Variants in CPA6 observed in about 807,000 individuals in gnomAD.
The protein encoded by CPA6 is carboxypeptidase A6.
In CPA6, 58 loss-of-function variants were observed where a neutral mutation model predicts 63.3. That is an observed-to-expected ratio of 0.92 (90% confidence interval 0.74 to 1.14). CPA6 has a LOEUF of 1.14. Among genes scored for constraint, CPA6 ranks in the 50% most tolerant of loss-of-function variants. CPA6 has a pLI of 0.00. For synonymous variants in CPA6, 185 were observed against 179.0 expected, an observed-to-expected ratio of 1.03 and a Z score of -0.27; for missense variants, 565 against 526.6, an observed-to-expected ratio of 1.07 and a Z score of -0.71.
intron 8 of CPA6, among the ~76,000 whole-genome samples, chr8:67,472,290 C>T (rs1372304506): frequency 1.4e-5 from 2 of 138,488 alleles, no homozygotes; most frequent in Admixed American, 7.2e-5. Flanking sequence ...CTGCCACCTC[C>T]CCCATGTCTC....
intron 6 of CPA6, among the ~76,000 whole-genome samples, chr8:67,500,819 C>T (rs182378976): frequency 3.3e-5 from 5 of 150,852 alleles, no homozygotes; most frequent in Non-Finnish European, 7.4e-5. Flanking sequence ...GTTGAAAAGG[C>T]TGTCTTTCCT....
intron 6 of CPA6, among the ~76,000 whole-genome samples, chr8:67,502,574 A>G (rs960750215): frequency 6.6e-6 from 1 of 152,052 alleles, no homozygotes; most frequent in African/African-American, 2.4e-5. Flanking sequence ...GGAAGAGCTT[A>G]TTGTTTTGAG....
At chr8:67,549,704 T>C (rs1310776823) in intron 2 of CPA6, among the ~76,000 whole-genome samples, 1 of 152,208 alleles carries the variant, frequency 6.6e-6, no homozygotes, top group Non-Finnish European at 1.5e-5. Context: ...TTGACTATTT[T>C]AGATTCCTCA....
intron 1 of CPA6, among the ~76,000 whole-genome samples, chr8:67,734,629 A>G (rs1817779831): frequency 6.6e-6 from 1 of 152,146 alleles, no homozygotes; most frequent in South Asian, 2.1e-4. Context: ...GCAAATTTCT[A>G]ACTGCTGCAA....
chr8:67,732,353 C>T (rs1188353879), intron 1 of CPA6, among the ~76,000 whole-genome samples: 1 of 152,186 alleles, frequency 6.6e-6, no homozygotes, highest in Admixed American at 6.5e-5. Context: ...CAATTCGATT[C>T]CTAGTTTGTT....
intron 8 of CPA6, among the ~76,000 whole-genome samples, chr8:67,437,823 T>C (rs1810196161): frequency 6.6e-6 from 1 of 151,526 alleles, no homozygotes. Flanking sequence ...AAAATAAATA[T>C]CAATATGTGA....
intron 2 of CPA6, among the ~76,000 whole-genome samples, chr8:67,522,213 C>T (rs1812272337): frequency 6.6e-6 from 1 of 152,092 alleles, no homozygotes; most frequent in Admixed American, 6.6e-5. Context: ...AATTGGTCCC[C>T]CATTCTGAGC....
chr8:67,542,355 T>C (rs1812724866), intron 2 of CPA6, among the ~76,000 whole-genome samples: 1 of 152,244 alleles, frequency 6.6e-6, no homozygotes, highest in East Asian at 1.9e-4. Context: ...ATGCTCTTAG[T>C]AGCGCTAAAC....
chr8:67,467,886 T>TAA (rs539603315), intron 8 of CPA6, among the ~76,000 whole-genome samples: 7,638 of 109,556 alleles, frequency 0.07, 670 homozygotes, highest in African/African-American at 0.21. Context: ...AAACCCCGTC[T>TAA]AAAAAAAAAA....
chr8:67,493,985 T>A (rs1811658244), intron 6 of CPA6, among the ~76,000 whole-genome samples: 1 of 152,194 alleles, frequency 6.6e-6, no homozygotes, highest in African/African-American at 2.4e-5. Context: ...TAAAAACCTG[T>A]AGAAATATAT....
At chr8:67,485,809 G>C (rs1450812692) in intron 6 of CPA6, among the ~76,000 whole-genome samples, 1 of 152,168 alleles carries the variant, frequency 6.6e-6, no homozygotes, top group Non-Finnish European at 1.5e-5. Flanking sequence ...CCTATCTGCA[G>C]TGAGTGCACA....
intron 1 of CPA6, among the ~76,000 whole-genome samples, chr8:67,640,269 A>G (rs1386463167): frequency 2.6e-5 from 4 of 150,962 alleles, no homozygotes; most frequent in Non-Finnish European, 5.9e-5. Flanking sequence ...GCTGCCATTC[A>G]TGGCACCTAG....
chr8:67,495,197 C>T (rs1012264558), intron 6 of CPA6, among the ~76,000 whole-genome samples: 1 of 152,158 alleles, frequency 6.6e-6, no homozygotes, highest in African/African-American at 2.4e-5. Flanking sequence ...AAATGATGCT[C>T]CCCCAACTTC....
chr8:67,645,652 A>G (rs1283617437), intron 1 of CPA6, among the ~76,000 whole-genome samples: 2 of 152,254 alleles, frequency 1.3e-5, no homozygotes, highest in Non-Finnish European at 2.9e-5. Flanking sequence ...CTATATTTGC[A>G]GCTTCAAGGT....
At position 67,543,146 on chromosome 8, in the gene CPA6, T is replaced by C. The variant is rs550219035; in HGVS notation, c.193-25099A>G. Among the ~76,000 whole-genome samples, 338 of 152,332 alleles carry C rather than the reference T, an allele frequency of 2.2e-3. 1 individual carries two copies. Among genetic ancestry groups the C allele is most frequent in the African/African-American group, 7.6e-3 (316 of 41,572 alleles). ...CTCAAAAGCCCTGCTATTTTTAGTG[T>C]GTAATGTTATAGAAGACAAGATTTT... On this transcript the variant is annotated intron_variant, in intron 2 of 10. Coordinates refer to ENST00000297770, the MANE Select transcript of CPA6 (RefSeq NM_020361.5).
intron 1 of CPA6, among the ~76,000 whole-genome samples, chr8:67,702,338 A>T (rs1451765940): frequency 6.6e-6 from 1 of 152,182 alleles, no homozygotes; most frequent in Non-Finnish European, 1.5e-5. Flanking sequence ...AAAGCAAAGA[A>T]ACTTAAGGTC....
chr8:67,470,028 C>CTTTT (rs756750835), intron 8 of CPA6, among the ~76,000 whole-genome samples: 2 of 143,048 alleles, frequency 1.4e-5, no homozygotes. Context: ...ATCATGTTTC[C>CTTTT]TTTTTTTTTT....
At chr8:67,725,170 TC>T (rs1817573762) in intron 1 of CPA6, among the ~76,000 whole-genome samples, 1 of 152,212 alleles carries the variant, frequency 6.6e-6, no homozygotes, top group Admixed American at 6.5e-5. Context: ...AACCACAGTA[TC>T]TTGTTTATTT....
chr8:67,526,360 A>G (rs148323195), intron 2 of CPA6, among the ~76,000 whole-genome samples: 100 of 152,252 alleles, frequency 6.6e-4, no homozygotes, highest in African/African-American at 2.1e-3. Flanking sequence ...TGAAATAGAC[A>G]TGTTTTTTTT....
Sources: gnomAD v4.1 joint callset for allele counts (sites outside exome capture counted in the v4.1 genomes callset) on GRCh38, gnomAD v4.1.1 for gene constraint, MANE v1.5 for transcripts, NCBI Gene and HGNC (gene_info 2026-07-23, HGNC 2026-07-21) for gene names.